Variants in EBI3 observed in about 807,000 individuals in gnomAD.
EBI3 encodes the protein Epstein-Barr virus induced 3.
EBI3 carries 19 observed loss-of-function variants against 21.3 expected under a neutral mutation model. That is an observed-to-expected ratio of 0.89 (90% CI 0.62 to 1.31). The LOEUF (loss-of-function observed/expected upper bound fraction) is 1.31, where lower values mean the gene tolerates loss of function less well. Among genes scored for constraint, EBI3 ranks in the 50% most tolerant of loss-of-function variants. EBI3 has a pLI of 0.00. For synonymous variants in EBI3, 154 were observed against 131.2 expected, an observed-to-expected ratio of 1.17 and a Z score of -1.19; for missense variants, 331 against 314.0, an observed-to-expected ratio of 1.05 and a Z score of -0.41.
intron 2 of EBI3, 76 bp downstream of exon 2, chr19:4,231,399 G>A (rs1970781378): frequency 9.5e-6 from 14 of 1,474,766 alleles, no homozygotes; most frequent in South Asian, 1.4e-5. Flanking sequence ...TGAGAGCCCT[G>A]GGGTCAGGAA....
chr19:4,236,681 T>C (rs2144678727), intron 4 of EBI3, among the ~76,000 whole-genome samples: 1 of 151,966 alleles, frequency 6.6e-6, no homozygotes, highest in South Asian at 2.1e-4. Context: ...CCCTCCTGGG[T>C]GAGACATCCA....
chr19:4,232,222 C>CAAAAAAAAAAAAAAAAAAA (rs71166979), intron 2 of EBI3, among the ~76,000 whole-genome samples: 4 of 57,814 alleles, frequency 6.9e-5, no homozygotes, highest in Non-Finnish European at 1.1e-4. Context: ...GACCCCGTCT[C>CAAAAAAAAAAAAAAAAAAA]AAAAAAAAAA....
At position 4,233,136 on chromosome 19, in the gene EBI3, A is replaced by G; in HGVS notation, c.208A>G (p.Met70Val). 1 of 1,594,008 alleles carries G rather than the reference A, an allele frequency of 6.3e-7. No individual in the cohort carries two copies. Among genetic ancestry groups the G allele is most frequent in the African/African-American group, 1.3e-5 (1 of 74,862 alleles). ...VSFIATYRLG[M>V]AARGHSWPCL... The stretch of plus-strand genomic sequence containing the variant: ...GAGCCCCACCCTGTGCAGGCTCGGC[A>G]TGGCTGCCCGGGGCCACAGCTGGCC... The change falls in exon 3 of 5, where the codon ATG (methionine) becomes GTG (valine). Residue 70 changes from methionine (M) to valine (V), a missense_variant. Met to Val is a conservative substitution (Grantham distance 21, BLOSUM62 1). Transcript: ENST00000221847.
Position 4,231,273 on chromosome 19 carries a change from G to A in EBI3, c.150G>A (p.Leu50=), listed in dbSNP as rs1177202702. Residue 50 remains leucine, a synonymous_variant, in exon 2 of 5, where the codon CTG becomes CTA. Transcript: ENST00000221847. Reference sequence around the variant, plus strand: ...TCGCCGTGGATTGCTCCTGGACCCTGCCGCCTGCTCCAAACTCCACCAGCC... The same window carrying A: ...TCGCCGTGGATTGCTCCTGGACCCTACCGCCTGCTCCAAACTCCACCAGCC... ...YPIAVDCSWT[L]PPAPNSTSPV... 2 of 1,613,016 alleles carry A rather than the reference G, an allele frequency of 1.2e-6. No homozygotes were observed. Among genetic ancestry groups the A allele is most frequent in the African/African-American group, 2.7e-5 (2 of 74,806 alleles).
At chr19:4,232,829 A>G (rs991857777) in intron 2 of EBI3, among the ~76,000 whole-genome samples, 4 of 143,344 alleles carry the variant, frequency 2.8e-5, no homozygotes, top group African/African-American at 1.2e-4. Flanking sequence ...TGAATGAATG[A>G]ATGAATGGAT....
chr19:4,235,771 A>T (rs1182397502), intron 4 of EBI3, among the ~76,000 whole-genome samples: 4 of 152,100 alleles, frequency 2.6e-5, no homozygotes, highest in Admixed American at 6.6e-5. Context: ...TCTACAAAAA[A>T]TTTAAACATT....
Position 4,237,204 on chromosome 19 carries a change from T to G in EBI3, c.*116T>G. Reference sequence around the variant, plus strand: ...GCCTGGGCTGGAGTCCTTGCTTTGCTGCTGCTGAGCTGCCGGGCAACCTCA... The same window carrying G: ...GCCTGGGCTGGAGTCCTTGCTTTGCGGCTGCTGAGCTGCCGGGCAACCTCA... On this transcript the variant is annotated 3_prime_UTR_variant, in exon 5 of 5. Transcript: ENST00000221847. The G allele has an allele frequency of 7.8e-7, 1 of 1,288,124 alleles. No individual in the cohort carries two copies. Among genetic ancestry groups the G allele is most frequent in the Non-Finnish European group, 1.0e-6 (1 of 989,666 alleles). The allele number at this position is 1,288,124 out of a possible 1,614,324, so 79.8% of individuals were successfully genotyped here.
rs568223716 is a variant in EBI3, at chr19:4,236,799, C to T, written c.538-137C>T. The T allele has an allele frequency of 6.2e-5, 66 of 1,057,112 alleles. No homozygotes were observed. The East Asian group carries it at 1.1e-3, about 17-fold the overall frequency. 65.5% of individuals were successfully genotyped at this position (1,057,112 alleles called of 1,614,324 possible). On this transcript the variant is annotated intron_variant, in intron 4 of 4. Transcript: ENST00000221847. Reference sequence around the variant, plus strand: ...CCCATGATGCTATTTGGGGTGGGGCCGCACAGCTGGGGCCAGAGTCCTGGA... The same window carrying T: ...CCCATGATGCTATTTGGGGTGGGGCTGCACAGCTGGGGCCAGAGTCCTGGA...
In EBI3 at chr19:4,232,817, GATGA is replaced by G. The variant is rs200001671; in HGVS notation, c.201-296_201-293del. Among the ~76,000 whole-genome samples the G allele has an allele frequency of 4.7e-3, 603 of 126,990 alleles. 7 individuals are homozygous for G. The highest frequency in any genetic ancestry group is 0.018 in the African/African-American group (576 of 32,036). The allele number at this position is 126,990 out of a possible 152,430, so 83.3% of individuals were successfully genotyped here. A position where few individuals can be genotyped will look rare whatever the true frequency, so the allele number is the denominator to read the frequency against. ...GAATGAATTAATGAATGAATGAACGGATGAATGAATGAATGAATGGATGGATGAA... is the reference window on the plus strand; with the variant it reads ...GAATGAATTAATGAATGAATGAACGGATGAATGAATGAATGGATGGATGAA... On this transcript the variant is annotated intron_variant, in intron 2 of 4. Transcript: ENST00000221847.
chr19:4,233,638 T>G (rs1220890153), intron 3 of EBI3, among the ~76,000 whole-genome samples: 2 of 152,150 alleles, frequency 1.3e-5, no homozygotes, highest in Non-Finnish European at 2.9e-5. Flanking sequence ...AAGTCCTTCC[T>G]ACTGCCCACC....
chr19:4,233,132 C>G lies in EBI3; in HGVS notation c.204C>G (p.Leu68=). 2 of 1,590,738 alleles carry G rather than the reference C, an allele frequency of 1.3e-6. No individual in the cohort carries two copies. Among genetic ancestry groups the G allele is most frequent in the Non-Finnish European group, 1.7e-6 (2 of 1,175,006 alleles). Residue 68 remains leucine (L), a synonymous_variant, in exon 3 of 5, where the codon CTC becomes CTG. Coordinates refer to ENST00000221847, the MANE Select transcript of EBI3 (RefSeq NM_005755.3). Reference sequence around the variant, plus strand: ...CAGCGAGCCCCACCCTGTGCAGGCTCGGCATGGCTGCCCGGGGCCACAGCT... The same window carrying G: ...CAGCGAGCCCCACCCTGTGCAGGCTGGGCATGGCTGCCCGGGGCCACAGCT... ...SPVSFIATYR[L]GMAARGHSWP... is the part of the protein sequence containing the mutation.
rs1970848268 is a variant in EBI3, at chr19:4,237,162, C to T, written c.*74C>T. ...AAGCCCCGGGACACCTGTTGGAGGG[C>T]GGATGGGATCTGCCTAGCCTGGGCT... On this transcript the variant is annotated 3_prime_UTR_variant, in exon 5 of 5. Coordinates refer to ENST00000221847, the MANE Select transcript of EBI3 (RefSeq NM_005755.3). 9 of 1,394,758 alleles carry T rather than the reference C, an allele frequency of 6.5e-6. No individual in the cohort carries two copies. Among genetic ancestry groups the T allele is most frequent in the African/African-American group, 3.0e-5 (2 of 67,076 alleles). 86.4% of individuals were successfully genotyped at this position (1,394,758 alleles called of 1,614,324 possible).
intron 4 of EBI3, 34 bp from the exon 5 acceptor site, chr19:4,236,902 G>T (rs750809641): frequency 9.5e-6 from 14 of 1,472,612 alleles, no homozygotes; most frequent in Non-Finnish European, 1.3e-5. Context: ...TCCATCTTCT[G>T]GTTCTAGTGA....
chr19:4,229,970 G>C (rs1000180347), intron 1 of EBI3, among the ~76,000 whole-genome samples: 2 of 152,092 alleles, frequency 1.3e-5, no homozygotes, highest in Non-Finnish European at 2.9e-5. Context: ...CGCCCAGGCT[G>C]GAGTACAGTG....
chr19:4,233,022 C>T, intron 2 of EBI3, 107 bp from the exon 3 acceptor site: 10 of 1,299,428 alleles, frequency 7.7e-6, no homozygotes, highest in Non-Finnish European at 9.1e-6. Context: ...ATCCGCTGCC[C>T]CCTCCTGTTC....
At chr19:4,230,859 A>G (rs1970775759) in intron 1 of EBI3, among the ~76,000 whole-genome samples, 1 of 151,158 alleles carries the variant, frequency 6.6e-6, no homozygotes. Flanking sequence ...CCTAGGCGAC[A>G]GAGGGAGACT....
In EBI3 at chr19:4,237,436, G is replaced by T. The variant is rs529372314; in HGVS notation, c.*348G>T. On this transcript the variant is annotated 3_prime_UTR_variant, in exon 5 of 5. Coordinates refer to ENST00000221847, the MANE Select transcript of EBI3 (RefSeq NM_005755.3). Reference sequence around the variant, plus strand: ...TAATCCCAGTCACTGGGAAGCCGACGTGGGAGGGTAGCTTGAGGCCAGGAG... The same window carrying T: ...TAATCCCAGTCACTGGGAAGCCGACTTGGGAGGGTAGCTTGAGGCCAGGAG... The T allele has an allele frequency of 3.7e-5, 6 of 162,194 alleles. No homozygotes were observed. The highest frequency in any genetic ancestry group is 1.9e-4 in the Admixed American group (3 of 15,522). The allele number at this position is 162,194 out of a possible 1,614,324, so 10.0% of individuals were successfully genotyped here. A position where few individuals can be genotyped will look rare whatever the true frequency, so the allele number is the denominator to read the frequency against.
chr19:4,229,638 A>G (rs400089), intron 1 of EBI3, 21 bp downstream of exon 1: 877,394 of 1,591,064 alleles, frequency 0.55, 247,194 homozygotes, highest in African/African-American at 0.86. Flanking sequence ...CCCCTGGGGG[A>G]CTGGGGGGCC....
chr19:4,232,940 G>A lies in EBI3; in HGVS notation c.201-189G>A, dbSNP rs536255745. On this transcript the variant is annotated intron_variant, in intron 2 of 4. Transcript: ENST00000221847. ...CCCGACCTGAACCATCAGGGGCACC[G>A]TGATGTTGGGGCCCATGCCCTGCCC... 1.4e-4 allele frequency: 80 copies of A among 554,732 alleles called. 1 individual carries two copies. The East Asian group carries it at 1.8e-3, about 12-fold the overall frequency. The allele number at this position is 554,732 out of a possible 1,614,324, so 34.4% of individuals were successfully genotyped here.
Sources: allele counts gnomAD v4.1 joint callset (sites outside exome capture counted in the v4.1 genomes callset), GRCh38; gene constraint gnomAD v4.1.1; transcripts MANE v1.5; gene names NCBI Gene and HGNC (gene_info 2026-07-23, HGNC 2026-07-21).